BMPR1B: variants seen among roughly 807,000 people sequenced by gnomAD.
BMPR1B encodes bone morphogenetic protein receptor type 1B.
In BMPR1B, 12 loss-of-function variants were observed where a neutral mutation model predicts 59.1. The observed-to-expected ratio is 0.20, with a 90% confidence interval of 0.13 to 0.33. The LOEUF (loss-of-function observed/expected upper bound fraction) is 0.33, where lower values mean the gene tolerates loss of function less well. Ranked by LOEUF, BMPR1B falls within the 10% of genes least tolerant of loss-of-function variation. The probability of loss-of-function intolerance (pLI) is 1.00; values close to 1 mark genes in which losing one functional copy is unlikely to be tolerated. For synonymous variants in BMPR1B, 237 were observed against 207.3 expected (o/e 1.14, Z -1.23); for missense variants, 550 against 610.9 (o/e 0.90, Z 1.05).
intron 3 of BMPR1B, among the ~76,000 whole-genome samples, chr4:95,102,330 C>T (rs1425076471): frequency 1.3e-5 from 2 of 152,160 alleles, no homozygotes; most frequent in Admixed American, 6.6e-5. Context: ...CTTTTCCCAC[C>T]AGCTGGTAAA....
intron 3 of BMPR1B, among the ~76,000 whole-genome samples, chr4:95,076,774 G>T (rs956266208): frequency 3.3e-5 from 5 of 151,994 alleles, no homozygotes; most frequent in African/African-American, 4.8e-5. Context: ...GTAAAGTTCT[G>T]TGGAAACGTT....
At chr4:95,088,972 T>C (rs910583977) in intron 3 of BMPR1B, among the ~76,000 whole-genome samples, 72 of 152,278 alleles carry the variant, frequency 4.7e-4, no homozygotes, top group African/African-American at 1.7e-3. Flanking sequence ...TACAATTTGG[T>C]AAAATGTTTT....
intron 2 of BMPR1B, among the ~76,000 whole-genome samples, chr4:94,892,927 A>G (rs77135339): frequency 0.018 from 2,733 of 152,134 alleles, 46 homozygotes; most frequent in East Asian, 0.083. Context: ...GAGTAATTTT[A>G]TATTCTGAGC....
intron 1 of BMPR1B, among the ~76,000 whole-genome samples, chr4:94,812,506 G>A (rs946469306): frequency 1.3e-5 from 2 of 152,188 alleles, no homozygotes; most frequent in South Asian, 2.1e-4. Flanking sequence ...TCAGACTAGC[G>A]TGACAGACCA....
chr4:95,156,617 G>A lies in BMPR1B; in HGVS notation c.*1944G>A, dbSNP rs1735440767. 2 of 150,900 alleles carry A rather than the reference G, an allele frequency of 1.3e-5. No individual in the cohort carries two copies. Among genetic ancestry groups the A allele is most frequent in the East Asian group, 3.9e-4 (2 of 5,120 alleles). 9.3% of individuals were successfully genotyped at this position (150,900 alleles called of 1,614,324 possible). ...AGTGCTTCATAGCTGCATTTTGTTT[G>A]TAACTAAGACAGAAGAATTTCGTAA... On this transcript the variant is annotated 3_prime_UTR_variant, in exon 13 of 13. Coordinates refer to ENST00000515059, the MANE Select transcript of BMPR1B (RefSeq NM_001203.3).
At chr4:94,915,329 T>C (rs1279221397) in intron 2 of BMPR1B, among the ~76,000 whole-genome samples, 1 of 152,212 alleles carries the variant, frequency 6.6e-6, no homozygotes, top group Non-Finnish European at 1.5e-5. Context: ...TTGAATCTTG[T>C]TTTGAAAAAG....
chr4:95,091,180 T>C (rs1729951571), intron 3 of BMPR1B, among the ~76,000 whole-genome samples: 1 of 152,124 alleles, frequency 6.6e-6, no homozygotes, highest in East Asian at 1.9e-4. Context: ...GAGGTAGCTT[T>C]TAACCATCTG....
intron 3 of BMPR1B, among the ~76,000 whole-genome samples, chr4:94,997,316 G>A (rs910803990): frequency 6.6e-6 from 1 of 152,046 alleles, no homozygotes; most frequent in Non-Finnish European, 1.5e-5. Context: ...AGAGATATGA[G>A]GAAAAGCTAA....
chr4:94,859,062 C>G (rs1018403833), intron 1 of BMPR1B, among the ~76,000 whole-genome samples: 1 of 152,126 alleles, frequency 6.6e-6, no homozygotes, highest in Non-Finnish European at 1.5e-5. Context: ...GACTTTTACA[C>G]TATCAGAGGC....
At chr4:94,993,862 G>A (rs975894017) in intron 2 of BMPR1B, among the ~76,000 whole-genome samples, 2 of 151,378 alleles carry the variant, frequency 1.3e-5, no homozygotes, top group African/African-American at 4.9e-5. Context: ...TGGAAATAAA[G>A]GTCAAGAAAA....
At chr4:94,938,298 C>T (rs768486563) in intron 2 of BMPR1B, among the ~76,000 whole-genome samples, 14 of 152,060 alleles carry the variant, frequency 9.2e-5, no homozygotes, top group Non-Finnish European at 1.6e-4. Context: ...AGTTTGAGAC[C>T]AGCCTGGCCA....
chr4:94,859,081 A>G (rs1460627713), intron 1 of BMPR1B, among the ~76,000 whole-genome samples: 1 of 152,124 alleles, frequency 6.6e-6, no homozygotes, highest in Non-Finnish European at 1.5e-5. Context: ...GCAGATCTGG[A>G]AGTGATTTAG....
intron 3 of BMPR1B, among the ~76,000 whole-genome samples, chr4:95,023,708 T>C (rs973300837): frequency 6.6e-6 from 1 of 152,190 alleles, no homozygotes. Flanking sequence ...AAAATGTGTT[T>C]ATATGCATTT....
chr4:94,951,103 T>C (rs1729916548), intron 2 of BMPR1B, among the ~76,000 whole-genome samples: 1 of 152,206 alleles, frequency 6.6e-6, no homozygotes. Flanking sequence ...GGAATGCTTG[T>C]GATTATTGCA....
intron 2 of BMPR1B, among the ~76,000 whole-genome samples, chr4:94,977,398 T>C (rs1442509305): frequency 6.6e-6 from 1 of 152,110 alleles, no homozygotes. Flanking sequence ...CCCTTGAAGC[T>C]CTTTCTTATT....
At position 94,767,572 on chromosome 4, in the gene BMPR1B, G is replaced by A. The variant is rs556426460; in HGVS notation, c.-183+9504G>A. 3.9e-5 allele frequency among the ~76,000 whole-genome samples: 6 copies of A among 152,116 alleles called. No individual in the cohort carries two copies. The East Asian group carries it at 7.7e-4, about 20-fold the overall frequency. ...TCAATCACTCCTTTAAATACTTATC[G>A]TTAACATCTGTAGCAAATGAAAATA... On this transcript the variant is annotated intron_variant, in intron 1 of 12. Coordinates refer to ENST00000515059, the MANE Select transcript of BMPR1B (RefSeq NM_001203.3).
intron 1 of BMPR1B, among the ~76,000 whole-genome samples, chr4:94,834,864 C>T (rs1238592498): frequency 6.6e-6 from 1 of 151,456 alleles, no homozygotes; most frequent in Non-Finnish European, 1.5e-5. Flanking sequence ...AAGTTCTTTC[C>T]TACTTCTTGA....
intron 1 of BMPR1B, among the ~76,000 whole-genome samples, chr4:94,818,392 G>T (rs1317879339): frequency 6.6e-6 from 1 of 152,160 alleles, no homozygotes; most frequent in African/African-American, 2.4e-5. Flanking sequence ...GAAGGAAGCT[G>T]AGGTACAAAG....
intron 3 of BMPR1B, among the ~76,000 whole-genome samples, chr4:95,045,743 C>T (rs4699831): frequency 0.28 from 42,464 of 152,084 alleles, 6,632 homozygotes; most frequent in South Asian, 0.43. Context: ...ATTGTCATTA[C>T]TGGATTGTAT....
Sources: allele counts gnomAD v4.1 joint callset (sites outside exome capture counted in the v4.1 genomes callset), GRCh38; gene constraint gnomAD v4.1.1; transcripts MANE v1.5; gene names NCBI Gene and HGNC (gene_info 2026-07-23, HGNC 2026-07-21).